The following FNDC3B variants were observed in gnomAD, a reference collection of about 807,000 sequenced individuals.
FNDC3B encodes fibronectin type III domain containing 3B.
FNDC3B carries 12 observed loss-of-function variants against 151.5 expected under a neutral mutation model. The ratio of observed to expected loss-of-function variants is 0.08; its 90% confidence interval spans 0.05 to 0.13. FNDC3B has a LOEUF of 0.13. Among genes scored for constraint, FNDC3B ranks in the 10% least tolerant of loss-of-function variants. The pLI is 1.00. For synonymous variants in FNDC3B, 528 were observed against 549.0 expected, an observed-to-expected ratio of 0.96 and a Z score of 0.54; for missense variants, 1,214 against 1,505.3, an observed-to-expected ratio of 0.81 and a Z score of 3.20.
At chr3:172,208,660 C>A (rs1725554511) in intron 3 of FNDC3B, among the ~76,000 whole-genome samples, 1 of 152,042 alleles carries the variant, frequency 6.6e-6, no homozygotes, top group African/African-American at 2.4e-5. Context: ...CAGCCAGAAA[C>A]CTCTGGCCGG....
At chr3:172,091,751 T>G (rs1236503440) in intron 1 of FNDC3B, among the ~76,000 whole-genome samples, 1 of 152,228 alleles carries the variant, frequency 6.6e-6, no homozygotes, top group Non-Finnish European at 1.5e-5. Context: ...GAAATACCTC[T>G]TAACACACAT....
intron 23 of FNDC3B, among the ~76,000 whole-genome samples, chr3:172,370,122 T>G (rs1348296764): frequency 1.3e-5 from 2 of 152,182 alleles, no homozygotes; most frequent in African/African-American, 4.8e-5. Context: ...ATTAATGTGT[T>G]GCTGTGAGCC....
At chr3:172,291,506 A>G (rs1285865636) in intron 7 of FNDC3B, among the ~76,000 whole-genome samples, 1 of 152,236 alleles carries the variant, frequency 6.6e-6, no homozygotes, top group Non-Finnish European at 1.5e-5. Flanking sequence ...GTAGGAAGTA[A>G]TTTTGTGAGT....
At chr3:172,249,168 G>T (rs994771043) in intron 5 of FNDC3B, among the ~76,000 whole-genome samples, 1 of 152,230 alleles carries the variant, frequency 6.6e-6, no homozygotes, top group South Asian at 2.1e-4. Context: ...GTTTCTTAGA[G>T]CTTTCTGGCT....
At chr3:172,185,722 A>G (rs563391508) in intron 3 of FNDC3B, among the ~76,000 whole-genome samples, 2 of 152,232 alleles carry the variant, frequency 1.3e-5, no homozygotes, top group Admixed American at 6.5e-5. Flanking sequence ...AAAACAGGCC[A>G]ATGGAATCTG....
chr3:172,095,933 G>A (rs1411183964), intron 1 of FNDC3B, among the ~76,000 whole-genome samples: 1 of 152,184 alleles, frequency 6.6e-6, no homozygotes, highest in African/African-American at 2.4e-5. Flanking sequence ...GATTTCTACA[G>A]CATTTAAAAT....
At chr3:172,273,806 A>C (rs972283742) in intron 6 of FNDC3B, among the ~76,000 whole-genome samples, 5 of 152,232 alleles carry the variant, frequency 3.3e-5, no homozygotes, top group Admixed American at 6.5e-5. Context: ...ACAGAAAAAC[A>C]TCTGGAGCCG....
intron 1 of FNDC3B, among the ~76,000 whole-genome samples, chr3:172,096,131 T>C (rs1033679200): frequency 2.0e-5 from 3 of 152,242 alleles, no homozygotes; most frequent in Non-Finnish European, 4.4e-5. Context: ...TTAAGTATTC[T>C]GGGGCAAAGT....
intron 1 of FNDC3B, among the ~76,000 whole-genome samples, chr3:172,103,119 A>T (rs1719454260): frequency 6.6e-6 from 1 of 152,190 alleles, no homozygotes; most frequent in Non-Finnish European, 1.5e-5. Context: ...GCTTATGTAA[A>T]TACCACTTAA....
chr3:172,312,497 A>C (rs1397961661), intron 11 of FNDC3B, among the ~76,000 whole-genome samples: 2 of 152,192 alleles, frequency 1.3e-5, no homozygotes, highest in Admixed American at 6.5e-5. Context: ...CCTCTTTGTA[A>C]GGACAGGTGA....
intron 3 of FNDC3B, among the ~76,000 whole-genome samples, chr3:172,161,455 CATGG>C (rs975828292): frequency 1.3e-5 from 2 of 152,286 alleles, no homozygotes; most frequent in African/African-American, 4.8e-5. Flanking sequence ...TAAAGGCTAA[CATGG>C]ATTCTGGCCC....
chr3:172,347,931 C>T (rs975797712), intron 21 of FNDC3B, among the ~76,000 whole-genome samples: 22 of 152,216 alleles, frequency 1.4e-4, no homozygotes, highest in African/African-American at 4.8e-4. Flanking sequence ...CCTAACCCCT[C>T]AGAGTGACAA....
At chr3:172,109,376 C>T (rs971242967) in intron 1 of FNDC3B, among the ~76,000 whole-genome samples, 1 of 151,956 alleles carries the variant, frequency 6.6e-6, no homozygotes, top group African/African-American at 2.4e-5. Context: ...CCGTTTTAGC[C>T]GGGATGGTCT....
intron 11 of FNDC3B, among the ~76,000 whole-genome samples, chr3:172,311,152 A>G (rs1477175677): frequency 6.6e-6 from 1 of 152,240 alleles, no homozygotes; most frequent in Non-Finnish European, 1.5e-5. Context: ...TTGGATCTCC[A>G]GTGTCTAGCC....
intron 1 of FNDC3B, among the ~76,000 whole-genome samples, chr3:172,070,500 T>C (rs1386028057): frequency 6.6e-6 from 1 of 152,206 alleles, no homozygotes; most frequent in Non-Finnish European, 1.5e-5. Flanking sequence ...TACAGTTGTT[T>C]GGGATAATCG....
At chr3:172,059,301 A>G (rs1717069938) in intron 1 of FNDC3B, among the ~76,000 whole-genome samples, 1 of 152,130 alleles carries the variant, frequency 6.6e-6, no homozygotes, top group East Asian at 1.9e-4. Context: ...CATTTTTGAT[A>G]TTAATAGTAA....
intron 3 of FNDC3B, among the ~76,000 whole-genome samples, chr3:172,182,997 G>A (rs1723993791): frequency 1.3e-5 from 2 of 152,226 alleles, no homozygotes; most frequent in South Asian, 4.1e-4. Flanking sequence ...GATACAGCAA[G>A]CTAAAAGATG....
intron 1 of FNDC3B, among the ~76,000 whole-genome samples, chr3:172,054,094 A>G (rs570295071): frequency 6.6e-6 from 1 of 152,296 alleles, no homozygotes; most frequent in South Asian, 2.1e-4. Flanking sequence ...TCAGTTAATA[A>G]GAGTAAGATG....
chr3:172,158,021 C>A (rs1316038392), intron 3 of FNDC3B, among the ~76,000 whole-genome samples: 1 of 152,154 alleles, frequency 6.6e-6, no homozygotes, highest in East Asian at 1.9e-4. Flanking sequence ...TCCTTCTACC[C>A]TGTGTGGACA....
Sources: allele counts gnomAD v4.1 joint callset (sites outside exome capture counted in the v4.1 genomes callset), GRCh38; gene constraint gnomAD v4.1.1; transcripts MANE v1.5; gene names NCBI Gene and HGNC (gene_info 2026-07-23, HGNC 2026-07-21).